PTGER3: variants seen among roughly 807,000 people sequenced by gnomAD.
PTGER3 encodes prostaglandin E2 receptor EP3 subtype.
In PTGER3, 22 loss-of-function variants were observed where a neutral mutation model predicts 34.7. The observed-to-expected ratio is 0.63, with a 90% CI of 0.45 to 0.91. The LOEUF (loss-of-function observed/expected upper bound fraction) is 0.91, where lower values mean the gene tolerates loss of function less well. PTGER3 is among the 40% of genes least tolerant of loss of function. The pLI, the probability that PTGER3 is intolerant of heterozygous loss-of-function variation, is 0.00. For synonymous variants in PTGER3, 241 were observed against 230.1 expected (o/e 1.05, Z -0.43); for missense variants, 468 against 519.4 (o/e 0.90, Z 0.96).
downstream of PTGER3, among the ~76,000 whole-genome samples, chr1:70,966,897 C>T (rs1652581786): frequency 6.6e-6 from 1 of 152,020 alleles, no homozygotes; most frequent in Non-Finnish European, 1.5e-5. Flanking sequence ...TTAAATAGTG[C>T]TGCAATAAAC....
At chr1:70,929,311 G>A (rs1156354274) in intron 4 of PTGER3, among the ~76,000 whole-genome samples, 2 of 152,116 alleles carry the variant, frequency 1.3e-5, no homozygotes, top group African/African-American at 4.8e-5. Context: ...TAACATCTTG[G>A]TTACTGGGCT....
chr1:70,953,715 G>A (rs371333025), intron 3 of PTGER3: 3 of 1,537,214 alleles, frequency 2.0e-6, no homozygotes, highest in African/African-American at 2.8e-5. Context: ...AAAGTGAAGA[G>A]GTTTGGATTC....
intron 4 of PTGER3, among the ~76,000 whole-genome samples, chr1:70,913,697 A>G (rs1019385839): frequency 1.3e-5 from 2 of 151,954 alleles, no homozygotes; most frequent in African/African-American, 4.8e-5. Context: ...GAATAAATAT[A>G]GATTTTTTTT....
At chr1:71,022,485 T>C (rs192147855) in intron 1 of PTGER3, among the ~76,000 whole-genome samples, 1 of 152,076 alleles carries the variant, frequency 6.6e-6, no homozygotes, top group African/African-American at 2.4e-5. Context: ...GTGATGAATA[T>C]GGTTCTAATC....
At chr1:70,887,392 G>A (rs34580971) in intron 4 of PTGER3, among the ~76,000 whole-genome samples, 4,501 of 152,180 alleles carry the variant, frequency 0.03, 195 homozygotes, top group East Asian at 0.22. Context: ...GCATGTTGCT[G>A]GTTATGCTTA....
At chr1:70,999,072 C>T (rs528738809) in intron 2 of PTGER3, among the ~76,000 whole-genome samples, 2 of 152,132 alleles carry the variant, frequency 1.3e-5, no homozygotes, top group South Asian at 2.1e-4. Context: ...CCCAGCTACT[C>T]GGGTTGAATT....
intron 2 of PTGER3, among the ~76,000 whole-genome samples, chr1:70,977,796 A>G (rs1653855739): frequency 6.6e-6 from 1 of 152,026 alleles, no homozygotes; most frequent in East Asian, 1.9e-4. Context: ...CCTGTGCTTG[A>G]CTGTTTGTCT....
intron 4 of PTGER3, among the ~76,000 whole-genome samples, chr1:70,914,488 T>A (rs188327241): frequency 6.6e-6 from 1 of 151,922 alleles, no homozygotes; most frequent in Non-Finnish European, 1.5e-5. Flanking sequence ...AATATAAGCA[T>A]TTCAAAAACA....
chr1:70,976,690 A>G (rs1258862951), intron 2 of PTGER3, among the ~76,000 whole-genome samples: 1 of 152,120 alleles, frequency 6.6e-6, no homozygotes, highest in Non-Finnish European at 1.5e-5. Flanking sequence ...GATAAAGACT[A>G]CCATATGTCA....
intron 4 of PTGER3, among the ~76,000 whole-genome samples, chr1:70,890,041 C>T (rs1646583006): frequency 6.6e-6 from 1 of 152,160 alleles, no homozygotes; most frequent in South Asian, 2.1e-4. Context: ...CTTCATTTGG[C>T]ATTTCCATGT....
chr1:71,044,335 G>A (rs571919480), intron 1 of PTGER3, among the ~76,000 whole-genome samples: 110 of 150,862 alleles, frequency 7.3e-4, no homozygotes, highest in African/African-American at 1.1e-3. Flanking sequence ...GACTCCAAAG[G>A]CTGAGGCAGT....
intron 1 of PTGER3, among the ~76,000 whole-genome samples, chr1:71,021,029 G>T (rs947893224): frequency 1.3e-5 from 2 of 151,778 alleles, no homozygotes; most frequent in Non-Finnish European, 2.9e-5. Flanking sequence ...TATTGCAGAT[G>T]CTTCCAAAAA....
intron 4 of PTGER3, among the ~76,000 whole-genome samples, chr1:70,863,070 C>T (rs1257031662): frequency 1.3e-5 from 2 of 151,602 alleles, no homozygotes; most frequent in African/African-American, 4.9e-5. Flanking sequence ...GCGGCCGATG[C>T]CCAGGTTCTC....
At chr1:70,904,765 G>C (rs1646910755) in intron 4 of PTGER3, among the ~76,000 whole-genome samples, 1 of 152,180 alleles carries the variant, frequency 6.6e-6, no homozygotes, top group African/African-American at 2.4e-5. Flanking sequence ...GTTCAGAAAA[G>C]TTGCAGCCTG....
intron 4 of PTGER3, among the ~76,000 whole-genome samples, chr1:70,881,699 C>T (rs941808430): frequency 6.6e-6 from 1 of 152,064 alleles, no homozygotes; most frequent in Non-Finnish European, 1.5e-5. Context: ...TTGGAGGAGA[C>T]CCCTCCAATT....
downstream of PTGER3, among the ~76,000 whole-genome samples, chr1:70,947,925 T>C (rs777917748): frequency 3.9e-5 from 6 of 152,172 alleles, no homozygotes; most frequent in Non-Finnish European, 7.4e-5. Context: ...CTGGGAATTC[T>C]AAGAAGCAAA....
Position 71,042,108 on chromosome 1 carries a change from T to G in PTGER3, c.897+4573A>C, listed in dbSNP as rs552843180. On this transcript the variant is annotated intron_variant, in intron 1 of 3. Transcript: ENST00000306666. ...TACAACTTCAGACCATGTGAATTTC[T>G]TCAAAGATGATGGCTTAAGAAGTGT... is the stretch of plus-strand genomic sequence containing the variant. 2.0e-5 allele frequency among the ~76,000 whole-genome samples: 3 copies of G among 152,246 alleles called. No homozygotes were observed. In the East Asian group the frequency reaches 5.8e-4, roughly 29 times the overall value.
intron 1 of PTGER3, among the ~76,000 whole-genome samples, chr1:71,024,772 C>T (rs943648726): frequency 6.7e-6 from 1 of 149,254 alleles, no homozygotes; most frequent in Admixed American, 6.8e-5. Flanking sequence ...CCAGGCTGGT[C>T]TTGAACTACT....
chr1:70,917,817 A>G (rs1052827227), intron 4 of PTGER3, among the ~76,000 whole-genome samples: 6 of 151,972 alleles, frequency 3.9e-5, no homozygotes, highest in African/African-American at 1.2e-4. Context: ...GAATATTTTT[A>G]CATACATCTG....
Sources: allele counts gnomAD v4.1 joint callset (sites outside exome capture counted in the v4.1 genomes callset), GRCh38; gene constraint gnomAD v4.1.1; transcripts MANE v1.5; gene names NCBI Gene and HGNC (gene_info 2026-07-23, HGNC 2026-07-21).